Variants in RABGAP1L observed in about 807,000 individuals in gnomAD.
The protein encoded by RABGAP1L is RAB GTPase activating protein 1 like.
RABGAP1L carries 63 observed loss-of-function variants against 137.7 expected under a neutral mutation model. The ratio of observed to expected loss-of-function variants is 0.46; its 90% CI spans 0.37 to 0.56. RABGAP1L has a LOEUF of 0.56. Ranked by LOEUF, RABGAP1L falls within the 20% of genes least tolerant of loss-of-function variation. The pLI is 0.00. For missense variants in RABGAP1L, 1,095 were observed against 1,244.0 expected (o/e 0.88, Z 1.80); for synonymous variants, 431 against 433.7 (o/e 0.99, Z 0.08).
intron 13 of RABGAP1L, among the ~76,000 whole-genome samples, chr1:174,452,130 T>C (rs1655518932): frequency 6.6e-6 from 1 of 152,196 alleles, no homozygotes; most frequent in African/African-American, 2.4e-5. Flanking sequence ...TTTTAGGTAA[T>C]GTGTTTTAAG....
At position 174,448,373 on chromosome 1, in the gene RABGAP1L, C is replaced by A. The variant is rs1052750032; in HGVS notation, c.1710+54228C>A. The A allele has an allele frequency of 6.2e-7, 1 of 1,613,810 alleles. No homozygotes were observed. Among genetic ancestry groups the A allele is most frequent in the East Asian group, 2.2e-5 (1 of 44,874 alleles). The stretch of plus-strand genomic sequence containing the variant: ...CATTCAGACGATGGCATATGCTGAT[C>A]TTTTCGTTGGAGTTAGCTGCTTGGT... On this transcript the variant is annotated intron_variant, in intron 13 of 25. Transcript: ENST00000681986. The surrounding 1 kb of genome is among the most constrained non-coding windows in gnomAD (Gnocchi z 4.2).
chr1:174,564,873 A>C (rs1283243353), intron 13 of RABGAP1L, among the ~76,000 whole-genome samples: 1 of 152,208 alleles, frequency 6.6e-6, no homozygotes, highest in Non-Finnish European at 1.5e-5. Flanking sequence ...CACCCTGAAC[A>C]CATACCAAGG....
At chr1:174,912,970 AT>A (rs1660289136) in intron 19 of RABGAP1L, among the ~76,000 whole-genome samples, 2 of 150,500 alleles carry the variant, frequency 1.3e-5, no homozygotes, top group Admixed American at 1.3e-4. Context: ...CTACATGCTT[AT>A]TTCTTTAGCT....
chr1:174,775,223 C>T (rs905190727), intron 18 of RABGAP1L, among the ~76,000 whole-genome samples: 3 of 152,138 alleles, frequency 2.0e-5, no homozygotes, highest in Admixed American at 6.5e-5. Context: ...CATGGCCACA[C>T]TTAGCTGCAA....
intron 13 of RABGAP1L, among the ~76,000 whole-genome samples, chr1:174,612,122 C>T (rs1198171887): frequency 6.6e-6 from 1 of 152,182 alleles, no homozygotes; most frequent in Non-Finnish European, 1.5e-5. Flanking sequence ...GAGGGCATCC[C>T]TGTCTTGCAC....
At chr1:174,703,572 T>C (rs972300658) in intron 17 of RABGAP1L, among the ~76,000 whole-genome samples, 8 of 152,222 alleles carry the variant, frequency 5.3e-5, no homozygotes, top group African/African-American at 1.9e-4. Context: ...TCTTTTTTTA[T>C]ACACTGATTT....
At chr1:174,947,614 T>C (rs1248722054) in intron 19 of RABGAP1L, among the ~76,000 whole-genome samples, 1 of 151,746 alleles carries the variant, frequency 6.6e-6, no homozygotes, top group Admixed American at 6.6e-5. Context: ...GAGATGGGGT[T>C]CCACCATGTT....
At chr1:174,366,826 T>C (rs1684670773) in intron 11 of RABGAP1L, among the ~76,000 whole-genome samples, 1 of 148,672 alleles carries the variant, frequency 6.7e-6, no homozygotes, top group Non-Finnish European at 1.5e-5. Context: ...GCACTAACAG[T>C]ATCTTTCTGC....
intron 10 of RABGAP1L, among the ~76,000 whole-genome samples, chr1:174,283,071 C>T (rs946591276): frequency 2.6e-5 from 4 of 152,008 alleles, no homozygotes; most frequent in African/African-American, 7.3e-5. Flanking sequence ...TTTGCATTTC[C>T]ATCTGAATTT....
intron 13 of RABGAP1L, among the ~76,000 whole-genome samples, chr1:174,456,923 C>T (rs1234298567): frequency 6.6e-6 from 1 of 152,078 alleles, no homozygotes. Context: ...GATATTTTTG[C>T]ATTTCAAATC....
At chr1:174,297,788 T>C (rs1457818117) in intron 10 of RABGAP1L, among the ~76,000 whole-genome samples, 1 of 152,046 alleles carries the variant, frequency 6.6e-6, no homozygotes, top group Non-Finnish European at 1.5e-5. Flanking sequence ...AGAAGACATA[T>C]ATAAAAATGA....
intron 19 of RABGAP1L, chr1:174,945,868 T>C (rs1666649250): frequency 6.6e-6 from 1 of 152,238 alleles, no homozygotes; most frequent in Non-Finnish European, 1.5e-5. Flanking sequence ...GAGTGGTTTA[T>C]GCTCTCAATG....
chr1:174,827,464 C>T (rs1297011334), intron 19 of RABGAP1L, among the ~76,000 whole-genome samples: 1 of 149,412 alleles, frequency 6.7e-6, no homozygotes, highest in Non-Finnish European at 1.5e-5. Flanking sequence ...ATTGGGGGGG[C>T]ACAATTCACC....
At chr1:174,971,789 G>C (rs1224121255) in intron 21 of RABGAP1L, among the ~76,000 whole-genome samples, 1 of 152,178 alleles carries the variant, frequency 6.6e-6, no homozygotes, top group Admixed American at 6.5e-5. Context: ...AGTTTGCCCA[G>C]TACTTTCCCA....
chr1:174,436,460 G>A lies in RABGAP1L; in HGVS notation c.1710+42315G>A, dbSNP rs147637027. 9.5e-3 allele frequency among the ~76,000 whole-genome samples: 1,447 copies of A among 152,278 alleles called. 22 individuals carry two copies. The highest frequency in any genetic ancestry group is 0.033 in the African/African-American group (1,386 of 41,542). ...TGGCTGCATAAATGTCTTCTTTTGA[G>A]AAGTGTCTGTTCATATCCTTCACCC... On this transcript the variant is annotated intron_variant, in intron 13 of 25. Transcript: ENST00000681986.
chr1:174,897,679 T>G (rs1657433792), intron 19 of RABGAP1L: 1 of 152,176 alleles, frequency 6.6e-6, no homozygotes, highest in Non-Finnish European at 1.5e-5. Flanking sequence ...CCTGTTAGTA[T>G]GTTTGATATT....
intron 19 of RABGAP1L, among the ~76,000 whole-genome samples, chr1:174,837,582 T>C (rs1299929027): frequency 6.6e-6 from 1 of 152,240 alleles, no homozygotes; most frequent in East Asian, 1.9e-4. Flanking sequence ...TCCTCTTCAA[T>C]TCCAGTGGCA....
intron 18 of RABGAP1L, among the ~76,000 whole-genome samples, chr1:174,760,594 C>A (rs1685142219): frequency 6.6e-6 from 1 of 152,160 alleles, no homozygotes. Context: ...AGGTTGATTC[C>A]ATGTCTTTGC....
intron 19 of RABGAP1L, among the ~76,000 whole-genome samples, chr1:174,870,260 T>C (rs921835448): frequency 3.3e-5 from 5 of 152,228 alleles, no homozygotes; most frequent in African/African-American, 4.8e-5. Context: ...TCTAAATTAT[T>C]TTTTCCCTGT....
Sources: gnomAD v4.1 joint callset for allele counts (sites outside exome capture counted in the v4.1 genomes callset) on GRCh38, gnomAD v4.1.1 for gene constraint, Gnocchi (gnomAD v3.1) non-coding constraint, MANE v1.5 for transcripts, NCBI Gene and HGNC (gene_info 2026-07-23, HGNC 2026-07-21) for gene names.